Variants in TCF12 observed in about 807,000 individuals in gnomAD.
The protein encoded by TCF12 is transcription factor 12.
A neutral mutation model predicts 86.0 loss-of-function variants in TCF12; 45 were observed. That is an observed-to-expected ratio of 0.52 (90% CI 0.41 to 0.67). The LOEUF (loss-of-function observed/expected upper bound fraction) is 0.67. TCF12 is among the 30% of genes least tolerant of loss of function. The pLI is 0.00. For missense variants in TCF12, 881 were observed against 859.9 expected, an observed-to-expected ratio of 1.02 and a Z score of -0.31; for synonymous variants, 330 against 299.6, an observed-to-expected ratio of 1.10 and a Z score of -1.05.
intron 15 of TCF12, among the ~76,000 whole-genome samples, chr15:57,252,927 C>CTTTTTTTTTTTTTTTTTTT (rs57946842): frequency 1.1e-5 from 1 of 89,774 alleles, no homozygotes. Context: ...ATAGGTTGTA[C>CTTTTTTTTTTTTTTTTTTT]TTTTTTTTTT....
intron 5 of TCF12, among the ~76,000 whole-genome samples, chr15:57,149,918 G>C (rs921428500): frequency 2.0e-5 from 3 of 152,102 alleles, no homozygotes; most frequent in African/African-American, 2.4e-5. Context: ...GTGTGTGAAA[G>C]GGTTTCTAAG....
chr15:57,133,624 G>GT (rs61579168), intron 5 of TCF12, among the ~76,000 whole-genome samples: 68,629 of 144,470 alleles, frequency 0.48, 16,470 homozygotes, highest in East Asian at 0.62. Flanking sequence ...GCAGTAATGT[G>GT]TTTTTTTTTT....
chr15:57,071,837 G>A (rs963109551), intron 4 of TCF12, among the ~76,000 whole-genome samples: 6 of 152,100 alleles, frequency 3.9e-5, no homozygotes, highest in African/African-American at 1.4e-4. Flanking sequence ...AGGACAGATA[G>A]CATTTGAATA....
At chr15:57,157,798 G>A (rs1476278072) in intron 5 of TCF12, among the ~76,000 whole-genome samples, 3 of 151,932 alleles carry the variant, frequency 2.0e-5, no homozygotes, top group African/African-American at 7.3e-5. Flanking sequence ...CCTGACCTCA[G>A]GTGATCCGCC....
At chr15:57,233,566 C>T (rs1306568159) in intron 11 of TCF12, among the ~76,000 whole-genome samples, 2 of 152,086 alleles carry the variant, frequency 1.3e-5, no homozygotes, top group Non-Finnish European at 2.9e-5. Context: ...ACAACCTCCG[C>T]CTCCAGGCTC....
At chr15:57,154,110 A>G (rs1252465445) in intron 5 of TCF12, among the ~76,000 whole-genome samples, 2 of 152,218 alleles carry the variant, frequency 1.3e-5, no homozygotes, top group Non-Finnish European at 2.9e-5. Flanking sequence ...CAGCCATATC[A>G]GTAATATAAT....
At chr15:57,077,704 T>C (rs1175218137) in intron 4 of TCF12, among the ~76,000 whole-genome samples, 1 of 150,870 alleles carries the variant, frequency 6.6e-6, no homozygotes, top group African/African-American at 2.4e-5. Flanking sequence ...AGTGCTAGGT[T>C]CACAGACGTG....
intron 5 of TCF12, among the ~76,000 whole-genome samples, chr15:57,125,615 T>C (rs2051588234): frequency 6.6e-6 from 1 of 152,260 alleles, no homozygotes; most frequent in African/African-American, 2.4e-5. Flanking sequence ...TTTATTACTT[T>C]GTGACACATA....
At chr15:57,247,970 G>C in intron 13 of TCF12, 1 of 737,512 alleles carries the variant, frequency 1.4e-6, no homozygotes, top group Admixed American at 1.8e-5. Flanking sequence ...TTTGAATCAT[G>C]GCCCTTCTCC....
At chr15:57,201,643 T>C (rs1331645313) in intron 8 of TCF12, among the ~76,000 whole-genome samples, 4 of 152,168 alleles carry the variant, frequency 2.6e-5, no homozygotes, top group Non-Finnish European at 5.9e-5. Context: ...GTCATAGCAG[T>C]CTATCCTGGA....
At chr15:57,081,963 A>G (rs146661317) in intron 4 of TCF12, among the ~76,000 whole-genome samples, 134 of 152,346 alleles carry the variant, frequency 8.8e-4, no homozygotes, top group African/African-American at 3.2e-3. Flanking sequence ...CCACTGATCT[A>G]TCAGCTGTGG....
chr15:57,273,128 G>C lies in TCF12; in HGVS notation c.1844G>C (p.Arg615Pro). ...ANNARERLRV[R>P]DINEAFKELG... ...AATGCCAGAGAACGCTTACGCGTGCGGGATATTAATGAAGCATTCAAAGAG... is the reference window on the plus strand; with the variant it reads ...AATGCCAGAGAACGCTTACGCGTGCCGGATATTAATGAAGCATTCAAAGAG... The change falls in exon 19 of 21, where the codon CGG (arginine) becomes CCG (proline). Residue 615 changes from arginine to proline, a missense_variant. Physicochemically the swap from Arg to Pro is moderately radical, Grantham distance 103. Coordinates refer to ENST00000333725, the MANE Select transcript of TCF12 (RefSeq NM_207037.2). 1 of 1,614,192 alleles carries C rather than the reference G, an allele frequency of 6.2e-7. No individual in the cohort carries two copies. The highest frequency in any genetic ancestry group is 8.5e-7 in the Non-Finnish European group (1 of 1,180,028).
chr15:56,995,895 C>A lies in TCF12; in HGVS notation c.149-67855C>A, dbSNP rs140355625. Among the ~76,000 whole-genome samples, 135 of 152,228 alleles carry A rather than the reference C, an allele frequency of 8.9e-4. 2 individuals carry two copies. In the East Asian group the frequency reaches 0.014, roughly 16 times the overall value. On this transcript the variant is annotated intron_variant, in intron 3 of 20. Coordinates refer to ENST00000333725, the MANE Select transcript of TCF12 (RefSeq NM_207037.2). Reference sequence around the variant, plus strand: ...AAGGGGAATGCTTCCAGCTTTTGCCCATTCAGTATGATATTAGCTGTGGGT... The same window carrying A: ...AAGGGGAATGCTTCCAGCTTTTGCCAATTCAGTATGATATTAGCTGTGGGT...
Position 57,126,117 on chromosome 15 carries a change from T to C in TCF12, c.325+34226T>C, listed in dbSNP as rs111770961. Reference sequence around the variant, plus strand: ...AATGCTGGGCATGGTGGCATGCACCTGTAGTCCCAGCTACTTGGGAGGCTG... The same window carrying C: ...AATGCTGGGCATGGTGGCATGCACCCGTAGTCCCAGCTACTTGGGAGGCTG... On this transcript the variant is annotated intron_variant, in intron 5 of 20. Transcript: ENST00000333725. Among the ~76,000 whole-genome samples, 22 of 152,318 alleles carry C rather than the reference T, an allele frequency of 1.4e-4. 4 individuals carry two copies. The highest frequency in any genetic ancestry group is 5.3e-4 in the African/African-American group (22 of 41,570).
intron 5 of TCF12, among the ~76,000 whole-genome samples, chr15:57,124,086 A>C (rs772323870): frequency 2.6e-5 from 4 of 151,282 alleles, no homozygotes; most frequent in Non-Finnish European, 2.9e-5. Context: ...AAGTGCTGGG[A>C]TTATAGATGT....
chr15:56,990,228 CGTGTGTGTGT>C (rs746828741), intron 3 of TCF12, among the ~76,000 whole-genome samples: 1 of 121,444 alleles, frequency 8.2e-6, no homozygotes, highest in African/African-American at 3.4e-5. Context: ...TAATCTTTAT[CGTGTGTGTGT>C]GTCTGTGTGT....
chr15:57,011,576 T>C (rs1281996220), intron 3 of TCF12, among the ~76,000 whole-genome samples: 2 of 152,118 alleles, frequency 1.3e-5, no homozygotes, highest in Non-Finnish European at 2.9e-5. Flanking sequence ...TACAAAAGCA[T>C]CTCCACCCTC....
intron 3 of TCF12, among the ~76,000 whole-genome samples, chr15:57,018,021 AT>A (rs1176520360): frequency 1.3e-5 from 2 of 152,158 alleles, no homozygotes; most frequent in Non-Finnish European, 2.9e-5. Flanking sequence ...TGAATTTTAC[AT>A]TTTAGTAGAA....
At chr15:56,944,170 G>T (rs905652322) in intron 3 of TCF12, among the ~76,000 whole-genome samples, 1 of 152,068 alleles carries the variant, frequency 6.6e-6, no homozygotes, top group Admixed American at 6.6e-5. Context: ...GTATTATATT[G>T]TGTTAAATGG....
Sources: gnomAD v4.1 joint callset for allele counts (sites outside exome capture counted in the v4.1 genomes callset) on GRCh38, gnomAD v4.1.1 for gene constraint, MANE v1.5 for transcripts, NCBI Gene and HGNC (gene_info 2026-07-23, HGNC 2026-07-21) for gene names.